MAP7: variants seen among roughly 807,000 people sequenced by gnomAD.
The protein encoded by MAP7 is microtubule associated protein 7.
MAP7 carries 52 observed loss-of-function variants against 94.8 expected under a neutral mutation model. The ratio of observed to expected loss-of-function variants is 0.55; its 90% CI spans 0.44 to 0.69. The LOEUF (loss-of-function observed/expected upper bound fraction) is 0.69. Ranked by LOEUF, MAP7 falls within the 30% of genes least tolerant of loss-of-function variation. MAP7 has a pLI of 0.00. For synonymous variants in MAP7, 350 were observed against 357.0 expected (o/e 0.98, Z 0.22); for missense variants, 940 against 964.6 (o/e 0.97, Z 0.34).
At chr6:136,372,291 T>C (rs561890163) in intron 8 of MAP7, among the ~76,000 whole-genome samples, 2 of 152,272 alleles carry the variant, frequency 1.3e-5, no homozygotes, top group East Asian at 3.9e-4. Context: ...CAAATTCAAA[T>C]GTTTAGGGAG....
intron 1 of MAP7, among the ~76,000 whole-genome samples, chr6:136,439,456 C>T (rs1030175071): frequency 1.3e-5 from 2 of 152,124 alleles, no homozygotes; most frequent in African/African-American, 4.8e-5. Context: ...TTTACATTAT[C>T]TAGTCTCAGG....
intron 1 of MAP7, among the ~76,000 whole-genome samples, chr6:136,436,528 T>C (rs549495465): frequency 6.6e-6 from 1 of 152,138 alleles, no homozygotes; most frequent in East Asian, 1.9e-4. Flanking sequence ...TACAGGAACA[T>C]GCCACAACAT....
At chr6:136,411,341 G>T (rs147361414) in intron 3 of MAP7, among the ~76,000 whole-genome samples, 1 of 152,054 alleles carries the variant, frequency 6.6e-6, no homozygotes, top group Non-Finnish European at 1.5e-5. Flanking sequence ...TACTGTCCTC[G>T]CATTTTCTCA....
chr6:136,524,792 CTT>C (rs1438760150), intron 1 of MAP7, among the ~76,000 whole-genome samples: 23 of 152,212 alleles, frequency 1.5e-4, no homozygotes, highest in African/African-American at 5.6e-4. Flanking sequence ...ACACTCTTCA[CTT>C]TATCATTGCT....
At chr6:136,452,193 C>CACA (rs1801333208) in intron 1 of MAP7, among the ~76,000 whole-genome samples, 1 of 145,600 alleles carries the variant, frequency 6.9e-6, no homozygotes, top group Admixed American at 6.9e-5. Flanking sequence ...GACTCCGTCT[C>CACA]AAACAAAACA....
intron 1 of MAP7, among the ~76,000 whole-genome samples, chr6:136,457,561 C>A (rs1041140147): frequency 6.6e-6 from 1 of 152,024 alleles, no homozygotes; most frequent in Non-Finnish European, 1.5e-5. Flanking sequence ...TGCAAAAATA[C>A]TCAACAAAAT....
intron 16 of MAP7, among the ~76,000 whole-genome samples, chr6:136,355,848 G>A (rs1790756482): frequency 6.6e-6 from 1 of 152,150 alleles, no homozygotes; most frequent in South Asian, 2.1e-4. Context: ...CACAGGCTAT[G>A]ATTACCCTTA....
intron 1 of MAP7, among the ~76,000 whole-genome samples, chr6:136,446,272 G>A (rs781449337): frequency 1.7e-4 from 25 of 151,474 alleles, no homozygotes; most frequent in South Asian, 4.2e-4. Context: ...TGGATAGGGC[G>A]CAGCGTAGGA....
At chr6:136,372,142 C>T (rs1774701511) in intron 8 of MAP7, among the ~76,000 whole-genome samples, 1 of 152,152 alleles carries the variant, frequency 6.6e-6, no homozygotes, top group South Asian at 2.1e-4. Context: ...CAGTCCAAGC[C>T]CACTTCCCCT....
intron 2 of MAP7, among the ~76,000 whole-genome samples, chr6:136,418,872 T>C (rs977876112): frequency 5.3e-5 from 8 of 152,342 alleles, no homozygotes; most frequent in African/African-American, 1.9e-4. Context: ...ATAACTCATA[T>C]TGTCCTTTGA....
intron 3 of MAP7, among the ~76,000 whole-genome samples, chr6:136,396,822 A>G (rs1293404434): frequency 6.6e-6 from 1 of 152,258 alleles, no homozygotes; most frequent in Non-Finnish European, 1.5e-5. Context: ...TATGGTTAGA[A>G]TACTTTTCTG....
chr6:136,362,392 G>A (rs1026963358), intron 11 of MAP7, 58 bp downstream of exon 11: 1 of 1,589,112 alleles, frequency 6.3e-7, no homozygotes, highest in South Asian at 1.1e-5. Flanking sequence ...TCAGAGGGGT[G>A]ATGAGTTAAT....
At chr6:136,358,348 C>CT (rs1385501630) in intron 15 of MAP7, among the ~76,000 whole-genome samples, 1 of 152,184 alleles carries the variant, frequency 6.6e-6, no homozygotes, top group Admixed American at 6.5e-5. Context: ...TTAAATTGAT[C>CT]ACTCTGACAA....
intron 1 of MAP7, among the ~76,000 whole-genome samples, chr6:136,483,052 TTTG>T (rs996607909): frequency 6.6e-6 from 1 of 151,522 alleles, no homozygotes; most frequent in Admixed American, 6.6e-5. Context: ...ATGTATTCCT[TTTG>T]TTGTGGGTTT....
intron 1 of MAP7, among the ~76,000 whole-genome samples, chr6:136,531,180 G>C (rs772666922): frequency 3.5e-5 from 5 of 144,618 alleles, no homozygotes; most frequent in Non-Finnish European, 5.9e-5. Context: ...CTTGATAAAA[G>C]TTAAATGTGC....
chr6:136,490,610 G>A (rs902513439), intron 1 of MAP7, among the ~76,000 whole-genome samples: 6 of 152,154 alleles, frequency 3.9e-5, no homozygotes, highest in African/African-American at 1.4e-4. Flanking sequence ...TACTTCTCTA[G>A]TAGCAAAGCA....
intron 12 of MAP7, 33 bp downstream of exon 12, chr6:136,360,972 T>G: frequency 1.3e-6 from 2 of 1,552,574 alleles, no homozygotes; most frequent in Non-Finnish European, 1.7e-6. Context: ...CCTGCGGGAC[T>G]GGGGCCGGGG....
chr6:136,444,660 C>G (rs987908880), intron 1 of MAP7, among the ~76,000 whole-genome samples: 1 of 152,078 alleles, frequency 6.6e-6, no homozygotes, highest in South Asian at 2.1e-4. Context: ...TGTAAACAAG[C>G]CCACAATAGA....
intron 1 of MAP7, among the ~76,000 whole-genome samples, chr6:136,491,457 C>T (rs1816574437): frequency 1.3e-5 from 2 of 152,152 alleles, no homozygotes; most frequent in Non-Finnish European, 2.9e-5. Flanking sequence ...GGTGCCCAAA[C>T]CCAGTCTGTT....
Sources: allele counts gnomAD v4.1 joint callset (sites outside exome capture counted in the v4.1 genomes callset), GRCh38; gene constraint gnomAD v4.1.1; transcripts MANE v1.5; gene names NCBI Gene and HGNC (gene_info 2026-07-23, HGNC 2026-07-21).